Variants in BCL9 observed in about 807,000 individuals in gnomAD.
BCL9 encodes B-cell CLL/lymphoma 9 protein.
In BCL9, 25 loss-of-function variants were observed where a neutral mutation model predicts 88.5. The observed-to-expected ratio is 0.28, with a 90% CI of 0.21 to 0.39. BCL9 has a LOEUF of 0.39. Ranked by LOEUF, BCL9 falls within the 10% of genes least tolerant of loss-of-function variation. The probability of loss-of-function intolerance (pLI) is 1.00; values close to 1 mark genes in which losing one functional copy is unlikely to be tolerated. For missense variants in BCL9, 1,817 were observed against 1,877.8 expected, an observed-to-expected ratio of 0.97 and a Z score of 0.60; for synonymous variants, 711 against 673.3, an observed-to-expected ratio of 1.06 and a Z score of -0.87.
At chr1:147,583,330 T>G (rs1656451260) in intron 1 of BCL9, among the ~76,000 whole-genome samples, 1 of 152,032 alleles carries the variant, frequency 6.6e-6, no homozygotes, top group Non-Finnish European at 1.5e-5. Context: ...CAGGCTGGAG[T>G]GTATGGGTGC....
chr1:147,552,355 C>T (rs1173216543), intron 1 of BCL9, among the ~76,000 whole-genome samples: 1 of 152,164 alleles, frequency 6.6e-6, no homozygotes, highest in Non-Finnish European at 1.5e-5. Flanking sequence ...CACCTGTAAT[C>T]TTAGCACTTT....
rs1553206552 is a variant in BCL9, at chr1:147,625,977, C to T, written c.*1018C>T. Reference sequence around the variant, plus strand: ...TTCCCATCATACCCTTCCCTGCCCACCTTGTTTTCTGTTCTCCTTTTATTA... The same window carrying T: ...TTCCCATCATACCCTTCCCTGCCCATCTTGTTTTCTGTTCTCCTTTTATTA... On this transcript the variant is annotated 3_prime_UTR_variant, in exon 10 of 10. Coordinates refer to ENST00000234739, the MANE Select transcript of BCL9 (RefSeq NM_004326.4). 8.6e-6 allele frequency: 2 copies of T among 231,808 alleles called. No homozygotes were observed. Among genetic ancestry groups the T allele is most frequent in the African/African-American group, 4.4e-5 (2 of 45,210 alleles). The allele number at this position is 231,808 out of a possible 1,614,324, so 14.4% of individuals were successfully genotyped here. A position where few individuals can be genotyped will look rare whatever the true frequency, so the allele number is the denominator to read the frequency against.
intron 1 of BCL9, among the ~76,000 whole-genome samples, chr1:147,583,512 A>G (rs1019301204): frequency 1.3e-5 from 2 of 151,778 alleles, no homozygotes; most frequent in South Asian, 2.1e-4. Flanking sequence ...TCCTGGCCTC[A>G]GGTGATCTGT....
At chr1:147,600,705 T>C (rs1657343023) in intron 1 of BCL9, among the ~76,000 whole-genome samples, 1 of 151,198 alleles carries the variant, frequency 6.6e-6, no homozygotes, top group South Asian at 2.1e-4. Flanking sequence ...AATAAGGGAA[T>C]TGGGATTGAG....
chr1:147,617,515 T>A (rs1553204021), intron 7 of BCL9, among the ~76,000 whole-genome samples: 1 of 124,562 alleles, frequency 8.0e-6, no homozygotes, highest in Non-Finnish European at 1.9e-5. Flanking sequence ...TCATACAAGA[T>A]TCAGCTGATC....
At chr1:147,544,543 C>A (rs1486149908) in intron 1 of BCL9, among the ~76,000 whole-genome samples, 4 of 152,198 alleles carry the variant, frequency 2.6e-5, no homozygotes, top group African/African-American at 4.8e-5. Flanking sequence ...CTGGATAATT[C>A]ATGTTGACCG....
intron 1 of BCL9, among the ~76,000 whole-genome samples, chr1:147,599,211 G>C (rs1296283354): frequency 1.3e-5 from 2 of 152,244 alleles, no homozygotes; most frequent in Non-Finnish European, 2.9e-5. Context: ...ACTTCGCAGA[G>C]GGCGGAGGAG....
Position 147,602,245 on chromosome 1 carries a change from A to G in BCL9, c.-477-2532A>G, listed in dbSNP as rs144893456. ...TTTTGTAGATGGAGTCTCACTCTGTAGCCCAGGCTGGAGTGCAGTGGCACG... is the reference window on the plus strand; with the variant it reads ...TTTTGTAGATGGAGTCTCACTCTGTGGCCCAGGCTGGAGTGCAGTGGCACG... On this transcript the variant is annotated intron_variant, in intron 1 of 9. Transcript: ENST00000234739. Among the ~76,000 whole-genome samples the G allele has an allele frequency of 2.4e-3, 323 of 135,310 alleles. 2 individuals are homozygous for G. Among genetic ancestry groups the G allele is most frequent in the African/African-American group, 8.9e-3 (313 of 35,042 alleles). 88.8% of individuals were successfully genotyped at this position (135,310 alleles called of 152,430 possible). A position where few individuals can be genotyped will look rare whatever the true frequency, so the allele number is the denominator to read the frequency against.
intron 1 of BCL9, among the ~76,000 whole-genome samples, chr1:147,598,816 C>T (rs7526407): frequency 0.34 from 52,144 of 152,022 alleles, 15,041 homozygotes; most frequent in African/African-American, 0.78. Context: ...ACAGTGTATT[C>T]TGGGGAGGGT....
rs781845317 is a variant in BCL9, at chr1:147,619,700, C to G, written c.1545C>G (p.Pro515=). The change falls in exon 8 of 10, where the codon CCC becomes CCG. Residue 515 remains proline (P), a synonymous_variant. Coordinates refer to ENST00000234739, the MANE Select transcript of BCL9 (RefSeq NM_004326.4). This position sits in a 1 kb window ranked among gnomAD's most constrained non-coding sequence, Gnocchi z 4.1. ...HGPRGVVRGP[P]PPYQMTPSEG... ...CTCGGGGAGTGGTCCGAGGACCCCC[C>G]CCTCCATACCAGATGACCCCTAGTG... The G allele has an allele frequency of 6.8e-6, 11 of 1,614,036 alleles. 1 individual carries two copies. Among genetic ancestry groups the G allele is most frequent in the South Asian group, 4.4e-5 (4 of 91,088 alleles).
At chr1:147,546,421 G>T (rs1553194265) in intron 1 of BCL9, among the ~76,000 whole-genome samples, 2 of 151,154 alleles carry the variant, frequency 1.3e-5, no homozygotes. Flanking sequence ...AGTGTTCATC[G>T]AAAAAAGGGA....
intron 9 of BCL9, among the ~76,000 whole-genome samples, chr1:147,623,114 G>C (rs587713746): frequency 6.6e-6 from 1 of 151,934 alleles, no homozygotes; most frequent in African/African-American, 2.4e-5. Flanking sequence ...AATCAGCAAA[G>C]AGACCATGAC....
chr1:147,579,631 C>T (rs1197100499), intron 1 of BCL9, among the ~76,000 whole-genome samples: 11 of 152,164 alleles, frequency 7.2e-5, no homozygotes, highest in East Asian at 3.9e-4. Context: ...AACAGCTTTG[C>T]CTTTTTAAGT....
At chr1:147,598,051 T>C (rs1657129625) in intron 1 of BCL9, among the ~76,000 whole-genome samples, 1 of 152,228 alleles carries the variant, frequency 6.6e-6, no homozygotes, top group African/African-American at 2.4e-5. Context: ...AGTGGTTTTC[T>C]CTTATAGACA....
intron 1 of BCL9, among the ~76,000 whole-genome samples, chr1:147,545,222 G>T (rs1340181589): frequency 6.6e-6 from 1 of 152,144 alleles, no homozygotes; most frequent in Non-Finnish European, 1.5e-5. Flanking sequence ...AACCTAAACC[G>T]GAGCTTGCCA....
intron 1 of BCL9, among the ~76,000 whole-genome samples, chr1:147,579,925 T>C (rs1553198426): frequency 6.6e-6 from 1 of 152,220 alleles, no homozygotes; most frequent in Non-Finnish European, 1.5e-5. Flanking sequence ...GAGCATTGTG[T>C]TTATTCCCCC....
chr1:147,620,605 T>G lies in BCL9; in HGVS notation c.2450T>G (p.Met817Arg). ...AGGACTAACAGCCGGCTCAGTCATA[T>G]GCCACCACTACCTCTCAACCCTTCC... The part of the protein sequence containing the change: ...DQRTNSRLSH[M>R]PPLPLNPSSN... Residue 817 changes from methionine (M) to arginine (R), a missense_variant, in exon 8 of 10, where the codon ATG (methionine) becomes AGG (arginine). Met to Arg is a moderately conservative substitution (Grantham distance 91, BLOSUM62 -1). Around this residue, in one of 2 missense-constraint regions of BCL9, gnomAD observed 1,228 missense variants for 1,191.6 expected, o/e 1.03. Transcript: ENST00000234739. 1 of 1,614,208 alleles carries G rather than the reference T, an allele frequency of 6.2e-7. No homozygotes were observed.
intron 3 of BCL9, 133 bp downstream of exon 3, chr1:147,606,999 C>T (rs1657744634): frequency 1.3e-5 from 2 of 152,376 alleles, no homozygotes; most frequent in African/African-American, 4.8e-5. Context: ...GCCTCCCCAT[C>T]CAGCTCCTGC....
intron 4 of BCL9, among the ~76,000 whole-genome samples, chr1:147,612,606 C>A (rs1468246556): frequency 1.3e-5 from 2 of 152,104 alleles, no homozygotes; most frequent in South Asian, 4.1e-4. Context: ...ACATAGAAAC[C>A]GTTGTCCTTT....
Sources: gnomAD v4.1 joint callset for allele counts (sites outside exome capture counted in the v4.1 genomes callset) on GRCh38, gnomAD v4.1.1 for gene constraint, gnomAD v4.1.1 regional missense constraint, Gnocchi (gnomAD v3.1) non-coding constraint, MANE v1.5 for transcripts, NCBI Gene and HGNC (gene_info 2026-07-23, HGNC 2026-07-21) for gene names.